The following SHROOM2 variants were observed in gnomAD, a reference collection of about 807,000 sequenced individuals.
SHROOM2 encodes shroom family member 2, also known as protein Shroom2.
SHROOM2 carries 33 observed loss-of-function variants against 75.9 expected under a neutral mutation model. The ratio of observed to expected loss-of-function variants is 0.43; its 90% CI spans 0.33 to 0.58. The LOEUF (loss-of-function observed/expected upper bound fraction) is 0.58. Among genes scored for constraint, SHROOM2 ranks in the 20% least tolerant of loss-of-function variants. The pLI is 0.04. For missense variants in SHROOM2, 1,434 were observed against 1,461.2 expected (o/e 0.98, Z 0.30); for synonymous variants, 655 against 663.6 (o/e 0.99, Z 0.20).
chrX:9,889,079 C>T (rs1337286919), intron 2 of SHROOM2, among the ~76,000 whole-genome samples: 2 of 111,974 alleles, frequency 1.8e-5, no homozygotes, highest in Non-Finnish European at 3.8e-5. Flanking sequence ...TTCACATGGC[C>T]AGAACCTTCC....
In SHROOM2 at chrX:9,895,549, G is replaced by T; in HGVS notation, c.1641G>T (p.Ala547=). ...ACAAAGGGGCCGAGGGCTGCTCCGC[G>T]GGAGCCCAGGAGCCTCCCAGGGCCA... ...PLDKGAEGCS[A]GAQEPPRASR... The change falls in exon 4 of 10, where the codon GCG becomes GCT. Residue 547 remains alanine (A), a synonymous_variant. Coordinates refer to ENST00000380913, the MANE Select transcript of SHROOM2 (RefSeq NM_001649.4). The T allele has an allele frequency of 8.5e-7, 1 of 1,180,610 alleles. No homozygotes were observed. The highest frequency in any genetic ancestry group is 3.2e-5 in the East Asian group (1 of 31,639).
At chrX:9,901,343 G>T (rs1357403119) in intron 5 of SHROOM2, among the ~76,000 whole-genome samples, 1 of 112,025 alleles carries the variant, frequency 8.9e-6, no homozygotes, top group Non-Finnish European at 1.9e-5. Context: ...GTGGGGCACA[G>T]TTCAGTCCCT....
intron 1 of SHROOM2, among the ~76,000 whole-genome samples, chrX:9,822,381 T>C (rs1302445878): frequency 8.9e-6 from 1 of 111,806 alleles, no homozygotes; most frequent in Non-Finnish European, 1.9e-5. Flanking sequence ...TGGAAGACTT[T>C]TAAGCAGGGT....
intron 2 of SHROOM2, among the ~76,000 whole-genome samples, chrX:9,878,440 G>A (rs2084212803): frequency 8.9e-6 from 1 of 112,199 alleles, no homozygotes; most frequent in Non-Finnish European, 1.9e-5. Flanking sequence ...ATGTGGTGTG[G>A]TCCTGCATTT....
At chrX:9,904,702 G>C (rs951940104) in intron 5 of SHROOM2, among the ~76,000 whole-genome samples, 5 of 112,189 alleles carry the variant, frequency 4.5e-5, no homozygotes, top group African/African-American at 1.6e-4. Context: ...GGATCCTTTG[G>C]GGCTTTCACC....
At chrX:9,851,310 CT>C (rs2146777186) in intron 1 of SHROOM2, among the ~76,000 whole-genome samples, 1 of 111,184 alleles carries the variant, frequency 9.0e-6, no homozygotes, top group African/African-American at 3.3e-5. Flanking sequence ...TGCCTGGCCT[CT>C]TTTTTTATTT....
Position 9,848,527 on chromosome X carries a change from A to G in SHROOM2, c.166-25125A>G, listed in dbSNP as rs1388909806. Reference sequence around the variant, plus strand: ...CTCCGTCTCAAAAAAAAAAAAAAAAAAAAAGAAAAGCATGTTCTAAGTATC... The same window carrying G: ...CTCCGTCTCAAAAAAAAAAAAAAAAGAAAAGAAAAGCATGTTCTAAGTATC... On this transcript the variant is annotated intron_variant, in intron 1 of 9. Transcript: ENST00000380913. 9.8e-5 allele frequency among the ~76,000 whole-genome samples: 10 copies of G among 101,773 alleles called. No homozygotes were observed. In the East Asian group the frequency reaches 1.2e-3, roughly 12 times the overall value. The allele number at this position is 101,773 out of a possible 115,157, so 88.4% of individuals were successfully genotyped here. A position where few individuals can be genotyped will look rare whatever the true frequency, so the allele number is the denominator to read the frequency against.
At chrX:9,930,878 G>T (rs568518149) in intron 5 of SHROOM2, among the ~76,000 whole-genome samples, 2 of 109,365 alleles carry the variant, frequency 1.8e-5, no homozygotes, top group Non-Finnish European at 3.8e-5. Context: ...GAGTAGCTGG[G>T]ATTACAGGTA....
intron 1 of SHROOM2, among the ~76,000 whole-genome samples, chrX:9,814,843 T>G (rs934228699): frequency 2.7e-5 from 3 of 112,010 alleles, no homozygotes; most frequent in African/African-American, 9.7e-5. Flanking sequence ...ATGCCCTCAC[T>G]TTAACAGTAG....
At chrX:9,866,196 G>C (rs182424602) in intron 1 of SHROOM2, among the ~76,000 whole-genome samples, 2 of 106,042 alleles carry the variant, frequency 1.9e-5, no homozygotes, top group Non-Finnish European at 3.9e-5. Context: ...AGAACCTTCA[G>C]TGTGGACAAG....
At chrX:9,850,605 A>G (rs1233431791) in intron 1 of SHROOM2, among the ~76,000 whole-genome samples, 1 of 111,309 alleles carries the variant, frequency 9.0e-6, no homozygotes, top group Non-Finnish European at 1.9e-5. Flanking sequence ...TTGGGAGGCC[A>G]AGGCGAGTGG....
intron 5 of SHROOM2, among the ~76,000 whole-genome samples, chrX:9,900,238 C>T (rs1276983301): frequency 9.1e-6 from 1 of 110,001 alleles, no homozygotes; most frequent in African/African-American, 3.3e-5. Context: ...CGATGAAATT[C>T]GAGAATATGT....
intron 5 of SHROOM2, among the ~76,000 whole-genome samples, chrX:9,917,160 G>T (rs1001211059): frequency 8.9e-6 from 1 of 111,762 alleles, no homozygotes; most frequent in Non-Finnish European, 1.9e-5. Context: ...CTAACTCATC[G>T]TAGTTCCCAT....
chrX:9,914,016 T>G (rs1287541741), intron 5 of SHROOM2, among the ~76,000 whole-genome samples: 1 of 109,608 alleles, frequency 9.1e-6, no homozygotes. Context: ...CAAAAACATT[T>G]TATACTTTGT....
At chrX:9,875,080 C>CAAAAA (rs375824306) in intron 2 of SHROOM2, among the ~76,000 whole-genome samples, 227 of 12,368 alleles carry the variant, frequency 0.018, 21 homozygotes, top group African/African-American at 0.042. Flanking sequence ...GACCCTGTCT[C>CAAAAA]AAAAAAAAAA....
chrX:9,833,529 C>T (rs141593907), intron 1 of SHROOM2, among the ~76,000 whole-genome samples: 1 of 110,413 alleles, frequency 9.1e-6, no homozygotes, highest in Non-Finnish European at 1.9e-5. Flanking sequence ...AATTAGGGAC[C>T]TCATAACTAA....
At chrX:9,806,283 T>C (rs1330774725) in intron 1 of SHROOM2, among the ~76,000 whole-genome samples, 1 of 110,687 alleles carries the variant, frequency 9.0e-6, no homozygotes, top group African/African-American at 3.3e-5. Flanking sequence ...GGCACATCGC[T>C]GGGGCCCATG....
At chrX:9,931,480 C>T (rs754814796) in intron 5 of SHROOM2, among the ~76,000 whole-genome samples, 24 of 111,205 alleles carry the variant, frequency 2.2e-4, no homozygotes, top group African/African-American at 7.8e-4. Flanking sequence ...GACCCCATCT[C>T]TACTAAAATT....
chrX:9,888,947 CT>C (rs2084275876), intron 2 of SHROOM2, among the ~76,000 whole-genome samples: 1 of 112,082 alleles, frequency 8.9e-6, no homozygotes, highest in Non-Finnish European at 1.9e-5. Flanking sequence ...CTAGCCTTCT[CT>C]TTTTCTCCCC....
Sources: allele counts gnomAD v4.1 joint callset (sites outside exome capture counted in the v4.1 genomes callset), GRCh38; gene constraint gnomAD v4.1.1; transcripts MANE v1.5; gene names NCBI Gene and HGNC (gene_info 2026-07-23, HGNC 2026-07-21).